Variants in PIK3R6 observed in about 807,000 individuals in gnomAD.
PIK3R6 encodes the protein phosphoinositide-3-kinase regulatory subunit 6, also known as phosphoinositide 3-kinase regulatory subunit 6.
PIK3R6 carries 91 observed loss-of-function variants against 84.9 expected under a neutral mutation model. The ratio of observed to expected loss-of-function variants is 1.07; its 90% CI spans 0.90 to 1.28. The LOEUF (loss-of-function observed/expected upper bound fraction) is 1.28, where lower values mean the gene tolerates loss of function less well. PIK3R6 is among the 50% of genes most tolerant of loss of function. The probability of loss-of-function intolerance (pLI) is 0.00; values close to 1 mark genes in which losing one functional copy is unlikely to be tolerated. For synonymous variants in PIK3R6, 416 were observed against 411.4 expected (o/e 1.01, Z -0.13); for missense variants, 996 against 985.1 (o/e 1.01, Z -0.15).
intron 18 of PIK3R6, among the ~76,000 whole-genome samples, chr17:8,815,798 C>A (rs2087514938): frequency 6.6e-6 from 1 of 152,164 alleles, no homozygotes; most frequent in African/African-American, 2.4e-5. Flanking sequence ...TAGGGAAGAC[C>A]ACAGAAAAAA....
chr17:8,831,727 C>T (rs1404033635), intron 9 of PIK3R6, among the ~76,000 whole-genome samples: 1 of 152,182 alleles, frequency 6.6e-6, no homozygotes, highest in Non-Finnish European at 1.5e-5. Context: ...TAACCCCATG[C>T]CTTATAATGA....
At chr17:8,853,501 AATAAT>A (rs1567611009) in intron 1 of PIK3R6, among the ~76,000 whole-genome samples, 8 of 123,570 alleles carry the variant, frequency 6.5e-5, no homozygotes, top group Admixed American at 1.6e-4. Flanking sequence ...AAAAAAAAAT[AATAAT>A]AATAATAATA....
At chr17:8,822,543 C>T in intron 16 of PIK3R6, 44 bp downstream of exon 16, 1 of 1,598,130 alleles carries the variant, frequency 6.3e-7, no homozygotes, top group Non-Finnish European at 8.6e-7. Flanking sequence ...CTCCCTCCAG[C>T]TGTACCTCTT....
At position 8,803,606 on chromosome 17, in the gene PIK3R6, G is replaced by T. The variant is rs1178893024; in HGVS notation, c.2109-177C>A. On this transcript the variant is annotated intron_variant, in intron 19 of 19. Transcript: ENST00000619866. The surrounding 1 kb of genome is among the most constrained non-coding windows in gnomAD (Gnocchi z 5.0). ...ACAAGAAAGAAAAACCTGGGCCTGG[G>T]GTTCACCGGGAGAGGAGACACTTGG... The T allele has an allele frequency of 1.3e-5, 8 of 632,542 alleles. No homozygotes were observed. In the East Asian group the frequency reaches 2.4e-4, roughly 19 times the overall value. 39.2% of individuals were successfully genotyped at this position (632,542 alleles called of 1,614,324 possible). A position where few individuals can be genotyped will look rare whatever the true frequency, so the allele number is the denominator to read the frequency against.
chr17:8,854,189 C>T (rs541403593), intron 1 of PIK3R6, among the ~76,000 whole-genome samples: 2 of 151,950 alleles, frequency 1.3e-5, no homozygotes, highest in East Asian at 3.9e-4. Context: ...CTTGCTCTGT[C>T]GCCAGGCTGG....
intron 1 of PIK3R6, among the ~76,000 whole-genome samples, chr17:8,864,529 CTTTTTTTTTTTTTT>C (rs35714531): frequency 6.1e-4 from 40 of 65,546 alleles, no homozygotes; most frequent in African/African-American, 2.3e-3. Flanking sequence ...CTTCACAGCT[CTTTTTTTTTTTTTT>C]TTTTTTTTTT....
intron 2 of PIK3R6, among the ~76,000 whole-genome samples, chr17:8,840,079 A>G (rs28407649): frequency 0.037 from 5,600 of 151,474 alleles, 209 homozygotes; most frequent in African/African-American, 0.093. Context: ...TATATATGAA[A>G]TATATATATC....
intron 5 of PIK3R6, 83 bp downstream of exon 5, chr17:8,837,720 A>T: frequency 8.2e-7 from 1 of 1,219,984 alleles, no homozygotes; most frequent in Non-Finnish European, 1.2e-6. Flanking sequence ...CCTGGCGGAG[A>T]CTGAGTGCCC....
At chr17:8,834,572 T>C (rs1407121597) in intron 8 of PIK3R6, among the ~76,000 whole-genome samples, 5 of 151,962 alleles carry the variant, frequency 3.3e-5, no homozygotes. Flanking sequence ...TTATTACTTT[T>C]TGTAGAAATG....
At chr17:8,855,208 CA>C (rs1308238104) in intron 1 of PIK3R6, among the ~76,000 whole-genome samples, 1 of 141,918 alleles carries the variant, frequency 7.0e-6, no homozygotes, top group African/African-American at 2.9e-5. Context: ...CAAAACAAAA[CA>C]AAACAAAACA....
At chr17:8,860,287 GGC>G (rs146859853) in intron 1 of PIK3R6, among the ~76,000 whole-genome samples, 10,787 of 151,862 alleles carry the variant, frequency 0.071, 1,260 homozygotes, top group African/African-American at 0.25. Flanking sequence ...CGCCTCCTGG[GGC>G]GGGGGGCGGT....
rs149597713 is a variant in PIK3R6, at chr17:8,803,351, T to C, written c.2187A>G (p.Gln729=). ...SKAPWLNLHG[Q]QEVEAIKAKP... is the part of the protein sequence containing the mutation. ...TGGCTTTGATTGCTTCCACCTCCTG[T>C]TGCCCATGCAAATTGAGCCACGGTG... The change falls in exon 20 of 20, where the codon CAA becomes CAG. Residue 729 remains glutamine (Q), a synonymous_variant. Coordinates refer to ENST00000619866, the MANE Select transcript of PIK3R6 (RefSeq NM_001010855.4). The surrounding 1 kb of genome is among the most constrained non-coding windows in gnomAD (Gnocchi z 5.0). 4 of 1,613,678 alleles carry C rather than the reference T, an allele frequency of 2.5e-6. No individual in the cohort carries two copies. In the African/African-American group the frequency reaches 4.0e-5, roughly 16 times the overall value.
intron 2 of PIK3R6, among the ~76,000 whole-genome samples, chr17:8,848,372 T>C (rs1354575101): frequency 6.6e-6 from 1 of 152,210 alleles, no homozygotes; most frequent in Non-Finnish European, 1.5e-5. Flanking sequence ...TACCTTGATG[T>C]GTCACTTAAC....
chr17:8,836,564 C>T lies in PIK3R6; in HGVS notation c.444G>A (p.Leu148=), dbSNP rs2088473630. Residue 148 remains leucine, a synonymous_variant, in exon 7 of 20, where the codon CTG becomes CTA. Coordinates refer to ENST00000619866, the MANE Select transcript of PIK3R6 (RefSeq NM_001010855.4). ...CCACTCACCTCTCCTGGTAGGGATA[C>T]AGCTCATTCGTCAAGTTCTGTTCGG... ...VIAEQNLTNE[L]YPYQERVFLF... is the part of the protein sequence containing the mutation. 6 of 1,614,004 alleles carry T rather than the reference C, an allele frequency of 3.7e-6. No individual in the cohort carries two copies. Among genetic ancestry groups the T allele is most frequent in the East Asian group, 2.2e-5 (1 of 44,882 alleles).
intron 9 of PIK3R6, among the ~76,000 whole-genome samples, chr17:8,832,011 T>C (rs1300640461): frequency 6.6e-6 from 1 of 152,212 alleles, no homozygotes; most frequent in Non-Finnish European, 1.5e-5. Context: ...TAAAAATCTA[T>C]GATACCAGAT....
rs747980309 is a variant in PIK3R6, at chr17:8,823,465, G to A, written c.1548C>T (p.Asp516=). Residue 516 remains aspartate, a synonymous_variant, in exon 14 of 20, where the codon GAC becomes GAT. Transcript: ENST00000619866. ...PPSLDTSRTV[D]PFILDVITYY... ...AGGTGATGACGTCTAGGATGAAGGG[G>A]TCCACAGTCCGGGATGTGTCCAGGG... 1.9e-6 allele frequency: 3 copies of A among 1,612,622 alleles called. No homozygotes were observed. The highest frequency in any genetic ancestry group is 1.1e-5 in the South Asian group (1 of 90,954).
intron 2 of PIK3R6, among the ~76,000 whole-genome samples, chr17:8,840,321 CCTCCAAATATGTATATGAAATATAT>C: frequency 7.3e-6 from 1 of 137,186 alleles, no homozygotes; most frequent in Non-Finnish European, 1.6e-5. Flanking sequence ...ATATATATAG[CCTCCAAATATGTATATGAAATATAT>C]ATAGCCTCCA....
At chr17:8,815,939 G>T (rs2087523555) in intron 18 of PIK3R6, among the ~76,000 whole-genome samples, 1 of 152,184 alleles carries the variant, frequency 6.6e-6, no homozygotes, top group Non-Finnish European at 1.5e-5. Flanking sequence ...CAATTTCTCA[G>T]CCAAAACTGG....
At chr17:8,843,958 T>G (rs948336048) in intron 2 of PIK3R6, among the ~76,000 whole-genome samples, 3 of 152,000 alleles carry the variant, frequency 2.0e-5, no homozygotes, top group African/African-American at 7.3e-5. Context: ...CAGAAGAAGG[T>G]TGATGCTTTT....
Sources: allele counts gnomAD v4.1 joint callset (sites outside exome capture counted in the v4.1 genomes callset), GRCh38; gene constraint gnomAD v4.1.1; non-coding constraint Gnocchi (gnomAD v3.1); transcripts MANE v1.5; gene names NCBI Gene and HGNC (gene_info 2026-07-23, HGNC 2026-07-21).